Variants in OSBPL9 observed in about 807,000 individuals in gnomAD.
OSBPL9 encodes oxysterol-binding protein-related protein 9.
In OSBPL9, 40 loss-of-function variants were observed where a neutral mutation model predicts 106.6. The ratio of observed to expected loss-of-function variants is 0.38; its 90% CI spans 0.29 to 0.49. OSBPL9 has a LOEUF of 0.49. OSBPL9 is among the 20% of genes least tolerant of loss of function. OSBPL9 has a pLI of 0.97. For missense variants in OSBPL9, 609 were observed against 887.2 expected (o/e 0.69, Z 3.98); for synonymous variants, 269 against 295.4 (o/e 0.91, Z 0.92).
intron 8 of OSBPL9, among the ~76,000 whole-genome samples, chr1:51,755,625 T>A (rs1670180414): frequency 6.6e-6 from 1 of 152,364 alleles, no homozygotes; most frequent in African/African-American, 2.4e-5. Context: ...GCTGAAACTC[T>A]GCACTGTGTA....
chr1:51,530,361 A>G, the OSBPL9 span, among the ~76,000 whole-genome samples: 4 of 151,950 alleles, frequency 2.6e-5, no homozygotes, highest in Non-Finnish European at 5.9e-5. Context: ...GAAAGTGAAA[A>G]GACAATCCAA....
chr1:51,781,079 T>C (rs1460821328), intron 15 of OSBPL9, 85 bp from the exon 16 acceptor site: 10 of 1,344,374 alleles, frequency 7.4e-6, no homozygotes, highest in African/African-American at 1.4e-5. Context: ...TCAGCCTGAC[T>C]TAGGTGGACC....
chr1:51,579,302 C>T (rs946963194), intron 1 of OSBPL9, among the ~76,000 whole-genome samples: 1 of 151,974 alleles, frequency 6.6e-6, no homozygotes, highest in Non-Finnish European at 1.5e-5. Flanking sequence ...TATTTGTGTG[C>T]ATATGTAATC....
At chr1:51,745,000 G>A (rs1255373911) in intron 4 of OSBPL9, 1 of 154,346 alleles carries the variant, frequency 6.5e-6, no homozygotes, top group Non-Finnish European at 1.4e-5. Flanking sequence ...ACTTAGAGAG[G>A]GGCCACCTCT....
At chr1:51,632,708 G>A (rs1645185920) in intron 1 of OSBPL9, among the ~76,000 whole-genome samples, 1 of 152,132 alleles carries the variant, frequency 6.6e-6, no homozygotes, top group South Asian at 2.1e-4. Context: ...GAATTTGTGA[G>A]TGATGGGTTT....
rs1448785474 is a variant in OSBPL9, at chr1:51,718,497, T to A, written c.318+4418T>A. On this transcript the variant is annotated intron_variant, in intron 4 of 23. Transcript: ENST00000428468. ...CTATGTACCCACAAAAATTTAAAAA[T>A]TTATATATTGTTTTTGCTATCACCT... 5.3e-5 allele frequency among the ~76,000 whole-genome samples: 8 copies of A among 152,164 alleles called. No individual in the cohort carries two copies. The East Asian group carries it at 1.5e-3, about 29-fold the overall frequency.
chr1:51,712,197 G>A (rs1660172102), intron 3 of OSBPL9, among the ~76,000 whole-genome samples: 1 of 152,242 alleles, frequency 6.6e-6, no homozygotes, highest in South Asian at 2.1e-4. Context: ...GATCACTCGC[G>A]GTTAGGGGCT....
At chr1:51,667,502 A>G (rs1648801353) in intron 2 of OSBPL9, among the ~76,000 whole-genome samples, 1 of 152,198 alleles carries the variant, frequency 6.6e-6, no homozygotes, top group South Asian at 2.1e-4. Context: ...TTCACTTAGC[A>G]TACTGTTTTC....
At chr1:51,558,440 A>G in the OSBPL9 span, among the ~76,000 whole-genome samples, 1 of 152,122 alleles carries the variant, frequency 6.6e-6, no homozygotes, top group Non-Finnish European at 1.5e-5. Context: ...AGATAACATC[A>G]CTATTGTAAA....
At chr1:51,518,640 G>C in the OSBPL9 span, among the ~76,000 whole-genome samples, 1 of 152,224 alleles carries the variant, frequency 6.6e-6, no homozygotes, top group African/African-American at 2.4e-5. Flanking sequence ...TCTGGGAAGG[G>C]AGGGCTTCCG....
chr1:51,661,908 GAGGT>G (rs1647192807), intron 2 of OSBPL9, among the ~76,000 whole-genome samples: 1 of 151,798 alleles, frequency 6.6e-6, no homozygotes, highest in Non-Finnish European at 1.5e-5. Flanking sequence ...GTAGAATAGA[GAGGT>G]AGGCATGGAG....
At chr1:51,755,917 A>G (rs1033150726) in intron 8 of OSBPL9, among the ~76,000 whole-genome samples, 1 of 152,096 alleles carries the variant, frequency 6.6e-6, no homozygotes, top group Admixed American at 6.5e-5. Flanking sequence ...AGATTTGTCT[A>G]TTCTTGACTC....
chr1:51,688,843 G>A (rs1157808984), intron 3 of OSBPL9, among the ~76,000 whole-genome samples: 1 of 152,036 alleles, frequency 6.6e-6, no homozygotes, highest in Non-Finnish European at 1.5e-5. Flanking sequence ...AGTTTATATT[G>A]CAGCCTTGGT....
intron 8 of OSBPL9, among the ~76,000 whole-genome samples, chr1:51,754,105 G>T (rs1669842449): frequency 6.6e-6 from 1 of 152,166 alleles, no homozygotes; most frequent in African/African-American, 2.4e-5. Flanking sequence ...AGGGGAGTAG[G>T]GCAGGACAGA....
upstream of OSBPL9, among the ~76,000 whole-genome samples, chr1:51,615,664 C>T (rs561316235): frequency 7.2e-5 from 11 of 152,254 alleles, no homozygotes; most frequent in South Asian, 1.5e-3. Context: ...ACCACACCTC[C>T]GTTTCCAGCT....
chr1:51,771,235 CAT>C (rs377401521), intron 12 of OSBPL9, among the ~76,000 whole-genome samples: 284 of 152,318 alleles, frequency 1.9e-3, no homozygotes, highest in African/African-American at 4.1e-3. Context: ...TAATAAGACT[CAT>C]GTGTACTGTT....
intron 3 of OSBPL9, among the ~76,000 whole-genome samples, chr1:51,713,393 G>T (rs184856071): frequency 1.3e-5 from 2 of 151,792 alleles, no homozygotes; most frequent in Admixed American, 6.6e-5. Flanking sequence ...CAGGTGATCC[G>T]CCCGCCTCAG....
chr1:51,669,745 T>G (rs757555463), intron 3 of OSBPL9: 46 of 628,030 alleles, frequency 7.3e-5, no homozygotes, highest in Non-Finnish European at 4.5e-5. Context: ...GATGAAAATT[T>G]TAAAGGATAA....
intron 1 of OSBPL9, among the ~76,000 whole-genome samples, chr1:51,591,274 G>A (rs1645274080): frequency 6.6e-6 from 1 of 152,010 alleles, no homozygotes; most frequent in Admixed American, 6.5e-5. Flanking sequence ...GTCTCACTAT[G>A]TTGCTCAGGC....
Sources: allele counts gnomAD v4.1 joint callset (sites outside exome capture counted in the v4.1 genomes callset), GRCh38; gene constraint gnomAD v4.1.1; transcripts MANE v1.5; gene names NCBI Gene and HGNC (gene_info 2026-07-23, HGNC 2026-07-21).